SMARCA4: variants seen among roughly 807,000 people sequenced by gnomAD.
SMARCA4 encodes SWI/SNF-related matrix-associated actin-dependent regulator of chromatin subfamily A member 4.
Under a neutral mutation model 193.9 loss-of-function variants are expected in SMARCA4, and 31 were observed. The ratio of observed to expected loss-of-function variants is 0.16; its 90% CI spans 0.12 to 0.22. SMARCA4 has a LOEUF of 0.22. Ranked by LOEUF, SMARCA4 falls within the 10% of genes least tolerant of loss-of-function variation. The probability of loss-of-function intolerance (pLI) is 1.00; values close to 1 mark genes in which losing one functional copy is unlikely to be tolerated. For missense variants in SMARCA4, 1,148 were observed against 2,296.0 expected (o/e 0.50, Z 10.22); for synonymous variants, 942 against 933.1 (o/e 1.01, Z -0.17).
intron 7 of SMARCA4, 63 bp downstream of exon 7, chr19:10,989,506 G>T (rs901346720): frequency 1.9e-6 from 3 of 1,595,784 alleles, no homozygotes; most frequent in African/African-American, 1.3e-5. Context: ...TGCTGCTAAG[G>T]CTCCAAATAC....
chr19:10,977,498 T>A (rs1409141837), intron 1 of SMARCA4, among the ~76,000 whole-genome samples: 2 of 151,934 alleles, frequency 1.3e-5, no homozygotes, highest in Non-Finnish European at 2.9e-5. Context: ...TACTTTTTGT[T>A]TTTTAAGTAG....
chr19:11,031,260 T>G lies in SMARCA4; in HGVS notation c.3546+367T>G. 2 of 342,852 alleles carry G rather than the reference T, an allele frequency of 5.8e-6. No homozygotes were observed. The highest frequency in any genetic ancestry group is 2.7e-5 in the South Asian group (1 of 37,176). The allele number at this position is 342,852 out of a possible 1,614,324, so 21.2% of individuals were successfully genotyped here. A position where few individuals can be genotyped will look rare whatever the true frequency, so the allele number is the denominator to read the frequency against. ...CCCTGTGAGCACACACACTGGCGCT[T>G]GTTCAGACACAATTGGGGGTAAACT... On this transcript the variant is annotated intron_variant, in intron 25 of 34. Coordinates refer to ENST00000344626, the MANE Select transcript of SMARCA4 (RefSeq NM_003072.5). The surrounding 1 kb of genome is among the most constrained non-coding windows in gnomAD (Gnocchi z 4.3).
chr19:10,971,201 A>G (rs1218584679), intron 1 of SMARCA4, among the ~76,000 whole-genome samples: 2 of 149,880 alleles, frequency 1.3e-5, no homozygotes, highest in African/African-American at 2.5e-5. Flanking sequence ...CATCTCAAAG[A>G]AAAAAAAAAG....
chr19:10,977,312 G>A (rs2085217664), intron 1 of SMARCA4, among the ~76,000 whole-genome samples: 1 of 151,094 alleles, frequency 6.6e-6, no homozygotes, highest in Non-Finnish European at 1.5e-5. Flanking sequence ...ACGGACTCGA[G>A]TTTTTTTTTG....
chr19:10,965,149 C>T (rs2084115972), intron 1 of SMARCA4, among the ~76,000 whole-genome samples: 1 of 152,176 alleles, frequency 6.6e-6, no homozygotes, highest in African/African-American at 2.4e-5. Context: ...CCACTCTTCC[C>T]CATTTATGTG....
At chr19:11,035,563 T>TC (rs1045378186) in intron 29 of SMARCA4, among the ~76,000 whole-genome samples, 20 of 151,450 alleles carry the variant, frequency 1.3e-4, no homozygotes, top group South Asian at 2.1e-4. Context: ...TTTGGGCAAG[T>TC]CCCCCCCCAT....
intron 20 of SMARCA4, among the ~76,000 whole-genome samples, 159 bp downstream of exon 20, chr19:11,023,790 G>A (rs371993640): frequency 3.7e-4 from 56 of 152,362 alleles, no homozygotes; most frequent in African/African-American, 1.2e-3. Flanking sequence ...AAAGCCCTGT[G>A]CTGCTGTTGT....
In SMARCA4 at chr19:11,034,518, G is replaced by C. The variant is rs1442947868; in HGVS notation, c.3951+318G>C. Among the ~76,000 whole-genome samples the C allele has an allele frequency of 1.3e-5, 2 of 152,178 alleles. No homozygotes were observed. The highest frequency in any genetic ancestry group is 2.4e-5 in the African/African-American group (1 of 41,458). ...GGGAGTTCGCCCTATCCAAGGCCAA[G>C]GGACTGACCAGGCCTTCAGTCGCAG... On this transcript the variant is annotated intron_variant, in intron 28 of 34. Transcript: ENST00000344626. The surrounding 1 kb of genome is among the most constrained non-coding windows in gnomAD (Gnocchi z 7.0).
chr19:10,973,376 G>T (rs984032726), intron 1 of SMARCA4, among the ~76,000 whole-genome samples: 2 of 151,856 alleles, frequency 1.3e-5, no homozygotes, highest in East Asian at 3.9e-4. Flanking sequence ...ATGCTTTTAG[G>T]TCCCTTGGGT....
chr19:10,975,554 C>G (rs1157167700), intron 1 of SMARCA4, among the ~76,000 whole-genome samples: 1 of 151,434 alleles, frequency 6.6e-6, no homozygotes, highest in East Asian at 1.9e-4. Flanking sequence ...TGTGATCCGC[C>G]CACCTTGGCC....
At chr19:11,052,755 A>G (rs2076331565) in intron 30 of SMARCA4, among the ~76,000 whole-genome samples, 1 of 152,198 alleles carries the variant, frequency 6.6e-6, no homozygotes, top group Non-Finnish European at 1.5e-5. Flanking sequence ...CCCTGCAGAC[A>G]GTGGCCATGG....
intron 16 of SMARCA4, among the ~76,000 whole-genome samples, chr19:11,016,216 A>G (rs967543874): frequency 1.3e-5 from 2 of 151,846 alleles, no homozygotes; most frequent in Non-Finnish European, 2.9e-5. Flanking sequence ...GAGAGCAGGA[A>G]CTCATTCATC....
At position 11,019,778 on chromosome 19, in the gene SMARCA4, A is replaced by T; in HGVS notation, c.2616+77A>T. ...GGGTCACGCTGCCCGTCTCCTCCAA[A>T]GCCCCTACAAGTTTCTTCCCGGAGT... On this transcript the variant is annotated intron_variant, in intron 18 of 34. Transcript: ENST00000344626. This position sits in a 1 kb window ranked among gnomAD's most constrained non-coding sequence, Gnocchi z 6.1. The T allele has an allele frequency of 1.0e-6, 1 of 994,454 alleles. No homozygotes were observed. Among genetic ancestry groups the T allele is most frequent in the Non-Finnish European group, 1.6e-6 (1 of 635,328 alleles). The allele number at this position is 994,454 out of a possible 1,614,324, so 61.6% of individuals were successfully genotyped here.
At chr19:10,968,738 C>G (rs1265256445) in intron 1 of SMARCA4, among the ~76,000 whole-genome samples, 3 of 152,184 alleles carry the variant, frequency 2.0e-5, no homozygotes, top group Non-Finnish European at 4.4e-5. Context: ...TTGCTGCTCA[C>G]CTGTTCCAGT....
rs1195366516 is a variant in SMARCA4 at position 11,033,589 on chromosome 19, T to G, written c.3774+72T>G. On this transcript the variant is annotated intron_variant, in intron 26 of 34. Coordinates refer to ENST00000344626, the MANE Select transcript of SMARCA4 (RefSeq NM_003072.5). The surrounding 1 kb of genome is among the most constrained non-coding windows in gnomAD (Gnocchi z 9.8). ...CGCGTGAGCGGCTTTCATTTTTGTT[T>G]TTTTACCTTTTTTGCACTCTTATTT... 3 of 1,200,696 alleles carry G rather than the reference T, an allele frequency of 2.5e-6. No homozygotes were observed. The highest frequency in any genetic ancestry group is 3.0e-5 in the African/African-American group (2 of 66,916). The allele number at this position is 1,200,696 out of a possible 1,614,324, so 74.4% of individuals were successfully genotyped here.
chr19:11,018,169 C>CG (rs2089535004), intron 16 of SMARCA4: 1 of 157,544 alleles, frequency 6.3e-6, no homozygotes, highest in East Asian at 1.9e-4. Context: ...ACTCCAGCTT[C>CG]GAGCCCTGTC....
chr19:11,007,797 G>A (rs2088377755), intron 13 of SMARCA4, 105 bp from the exon 14 acceptor site: 2 of 1,133,730 alleles, frequency 1.8e-6, no homozygotes, highest in African/African-American at 1.5e-5. Flanking sequence ...GAGGGGGTGA[G>A]GGCTGTAAGA....
intron 30 of SMARCA4, among the ~76,000 whole-genome samples, chr19:11,050,336 C>T (rs2076189654): frequency 1.3e-5 from 2 of 152,228 alleles, no homozygotes; most frequent in Non-Finnish European, 1.5e-5. Flanking sequence ...GAGGCAGCAG[C>T]CCTGTGGTTA....
chr19:11,015,373 G>A (rs1456281347), intron 16 of SMARCA4, among the ~76,000 whole-genome samples: 1 of 152,118 alleles, frequency 6.6e-6, no homozygotes, highest in Non-Finnish European at 1.5e-5. Context: ...CTTTGTCCTG[G>A]TCGAGCTTGA....
Sources: allele counts gnomAD v4.1 joint callset (sites outside exome capture counted in the v4.1 genomes callset), GRCh38; gene constraint gnomAD v4.1.1; non-coding constraint Gnocchi (gnomAD v3.1); transcripts MANE v1.5; gene names NCBI Gene and HGNC (gene_info 2026-07-23, HGNC 2026-07-21).